The following RGS20 variants were observed in gnomAD, a reference collection of about 807,000 sequenced individuals.
The protein encoded by RGS20 is gz-selective GTPase-activating protein.
Under a neutral mutation model 33.6 loss-of-function variants are expected in RGS20, and 30 were observed. The observed-to-expected ratio is 0.89, with a 90% confidence interval of 0.67 to 1.21. The LOEUF (loss-of-function observed/expected upper bound fraction) is 1.21, where lower values mean the gene tolerates loss of function less well. Among genes scored for constraint, RGS20 ranks in the 50% most tolerant of loss-of-function variants. The pLI is 0.00. For synonymous variants in RGS20, 208 were observed against 197.9 expected (o/e 1.05, Z -0.43); for missense variants, 472 against 502.4 (o/e 0.94, Z 0.58).
intron 1 of RGS20, among the ~76,000 whole-genome samples, chr8:53,852,395 C>T (rs550402129): frequency 4.6e-5 from 7 of 151,994 alleles, no homozygotes; most frequent in Admixed American, 6.6e-5. Context: ...TATCTTTCTC[C>T]GATATAAATA....
At chr8:53,932,523 C>A (rs1814001810) in intron 2 of RGS20, among the ~76,000 whole-genome samples, 2 of 152,222 alleles carry the variant, frequency 1.3e-5, no homozygotes, top group African/African-American at 2.4e-5. Flanking sequence ...GAAGTTCGAA[C>A]TAGGAGGAGC....
At position 53,885,790 on chromosome 8, in the gene RGS20, CTTTT is replaced by C. The variant is rs1172257852; in HGVS notation, c.510+6207_510+6210del. Reference sequence around the variant, plus strand: ...TGAACTGGATACTGAGTATCTTACTCTTTTTTTTTTTTTTTTTTTTTTGACTCCA... The same window carrying C: ...TGAACTGGATACTGAGTATCTTACTCTTTTTTTTTTTTTTTTTTGACTCCA... On this transcript the variant is annotated intron_variant, in intron 2 of 5. Coordinates refer to ENST00000297313, the MANE Select transcript of RGS20 (RefSeq NM_170587.4). 2.4e-3 allele frequency among the ~76,000 whole-genome samples: 274 copies of C among 112,724 alleles called. 1 individual carries two copies. The highest frequency in any genetic ancestry group is 8.7e-3 in the African/African-American group (255 of 29,164). 74.0% of individuals were successfully genotyped at this position (112,724 alleles called of 152,430 possible). A position where few individuals can be genotyped will look rare whatever the true frequency, so the allele number is the denominator to read the frequency against.
intron 3 of RGS20, among the ~76,000 whole-genome samples, chr8:53,943,694 A>G (rs1409860097): frequency 6.6e-6 from 1 of 152,076 alleles, no homozygotes; most frequent in Non-Finnish European, 1.5e-5. Context: ...AAGCTGAAAT[A>G]AGTTTGCATT....
intron 4 of RGS20, among the ~76,000 whole-genome samples, chr8:53,953,407 G>A (rs1814767062): frequency 6.6e-6 from 1 of 151,916 alleles, no homozygotes; most frequent in Non-Finnish European, 1.5e-5. Context: ...TGCAGGGTCT[G>A]CTACTTGGGA....
Position 53,945,809 on chromosome 8 carries a change from A to T in RGS20, c.660-856A>T, listed in dbSNP as rs149830747. Among the ~76,000 whole-genome samples the T allele has an allele frequency of 6.2e-3, 941 of 152,158 alleles. 9 individuals carry two copies. Among genetic ancestry groups the T allele is most frequent in the African/African-American group, 0.021 (852 of 41,506 alleles). On this transcript the variant is annotated intron_variant, in intron 3 of 5. Coordinates refer to ENST00000297313, the MANE Select transcript of RGS20 (RefSeq NM_170587.4). ...TCCCAGCTACTCAGGAGACTGAGGCACAAGAATCGCTTGGTTGCAGTGAGC... is the reference window on the plus strand; with the variant it reads ...TCCCAGCTACTCAGGAGACTGAGGCTCAAGAATCGCTTGGTTGCAGTGAGC...
intron 2 of RGS20, among the ~76,000 whole-genome samples, chr8:53,885,914 G>A (rs1210454779): frequency 1.3e-5 from 2 of 151,864 alleles, no homozygotes; most frequent in Non-Finnish European, 2.9e-5. Flanking sequence ...CATTAAGAAG[G>A]GAGTGACTTT....
At chr8:53,934,544 C>A (rs1814073706) in intron 2 of RGS20, among the ~76,000 whole-genome samples, 1 of 152,150 alleles carries the variant, frequency 6.6e-6, no homozygotes, top group African/African-American at 2.4e-5. Flanking sequence ...GGGATCAACA[C>A]AACAAGAAGA....
intron 1 of RGS20, among the ~76,000 whole-genome samples, chr8:53,874,279 A>G (rs910191360): frequency 6.6e-6 from 1 of 152,156 alleles, no homozygotes; most frequent in Non-Finnish European, 1.5e-5. Context: ...AGATGAGACT[A>G]TGACAGGAAA....
At chr8:53,948,239 T>C (rs1814589280) in intron 4 of RGS20, among the ~76,000 whole-genome samples, 1 of 136,304 alleles carries the variant, frequency 7.3e-6, no homozygotes, top group African/African-American at 2.6e-5. Context: ...ATATATGCTA[T>C]ATATATGATA....
chr8:53,925,819 G>A (rs141128410), intron 2 of RGS20, among the ~76,000 whole-genome samples: 64 of 152,300 alleles, frequency 4.2e-4, no homozygotes, highest in African/African-American at 1.4e-3. Flanking sequence ...GAATAATCTA[G>A]TAGCACTGTG....
intron 2 of RGS20, among the ~76,000 whole-genome samples, chr8:53,893,993 GA>G (rs80266737): frequency 0.069 from 10,569 of 152,182 alleles, 716 homozygotes; most frequent in East Asian, 0.28. Flanking sequence ...AGGCATTTAT[GA>G]AAAGTATAAA....
At chr8:53,933,803 TC>T (rs1814046389) in intron 2 of RGS20, 1 of 152,106 alleles carries the variant, frequency 6.6e-6, no homozygotes, top group Non-Finnish European at 1.5e-5. Flanking sequence ...AGACTCATAA[TC>T]ATCAGATTCA....
chr8:53,910,473 A>G (rs1172820497), intron 2 of RGS20, among the ~76,000 whole-genome samples: 1 of 152,220 alleles, frequency 6.6e-6, no homozygotes, highest in Non-Finnish European at 1.5e-5. Context: ...GAACAATTGA[A>G]ACTCTCATTC....
chr8:53,857,742 A>G (rs1317201567), intron 1 of RGS20, among the ~76,000 whole-genome samples: 1 of 152,230 alleles, frequency 6.6e-6, no homozygotes, highest in African/African-American at 2.4e-5. Flanking sequence ...TAGATTCGGG[A>G]TGCCAAGCCA....
chr8:53,956,015 C>A (rs1814854759), intron 5 of RGS20, among the ~76,000 whole-genome samples: 1 of 152,012 alleles, frequency 6.6e-6, no homozygotes, highest in South Asian at 2.1e-4. Context: ...AGACCAGGAC[C>A]CCTGGCCACA....
chr8:53,916,485 C>G (rs765126105), intron 2 of RGS20, among the ~76,000 whole-genome samples: 27 of 152,176 alleles, frequency 1.8e-4, no homozygotes, highest in Admixed American at 4.6e-4. Context: ...GAGAGATAAG[C>G]TCTCTGAGTC....
intron 2 of RGS20, among the ~76,000 whole-genome samples, chr8:53,914,456 A>G (rs919809918): frequency 6.6e-6 from 1 of 152,018 alleles, no homozygotes; most frequent in South Asian, 2.1e-4. Context: ...CCTGCCCCCA[A>G]ACTGTAATTT....
chr8:53,941,102 G>T (rs1814283017), intron 3 of RGS20, among the ~76,000 whole-genome samples: 1 of 152,198 alleles, frequency 6.6e-6, no homozygotes, highest in South Asian at 2.1e-4. Flanking sequence ...ATGCTGACCT[G>T]AACAACGTAT....
Position 53,912,393 on chromosome 8 carries a change from C to CA in RGS20, c.511-27176dup, listed in dbSNP as rs374437994. Among the ~76,000 whole-genome samples the CA allele has an allele frequency of 3.6e-3, 511 of 142,340 alleles. 4 individuals carry two copies. Among genetic ancestry groups the CA allele is most frequent in the African/African-American group, 0.013 (483 of 38,304 alleles). 93.4% of individuals were successfully genotyped at this position (142,340 alleles called of 152,430 possible). ...TTGCCAATTTTGTAGGTAAAAATAT[C>CA]AAAAAAAGATACCTGGTTTTAATTT... On this transcript the variant is annotated intron_variant, in intron 2 of 5. Coordinates refer to ENST00000297313, the MANE Select transcript of RGS20 (RefSeq NM_170587.4).
Sources: allele counts gnomAD v4.1 joint callset (sites outside exome capture counted in the v4.1 genomes callset), GRCh38; gene constraint gnomAD v4.1.1; transcripts MANE v1.5; gene names NCBI Gene and HGNC (gene_info 2026-07-23, HGNC 2026-07-21).